The following NR1D2 variants were observed in gnomAD, a reference collection of about 807,000 sequenced individuals.
NR1D2 encodes nuclear receptor subfamily 1 group D member 2, also known as V-erbA-related protein 1-related.
In NR1D2, 25 loss-of-function variants were observed where a neutral mutation model predicts 52.2. The observed-to-expected ratio is 0.48, with a 90% CI of 0.35 to 0.67. The LOEUF (loss-of-function observed/expected upper bound fraction) is 0.67. NR1D2 is among the 30% of genes least tolerant of loss of function. The pLI is 0.01. For synonymous variants in NR1D2, 259 were observed against 230.1 expected, an observed-to-expected ratio of 1.13 and a Z score of -1.14; for missense variants, 681 against 707.2, an observed-to-expected ratio of 0.96 and a Z score of 0.42.
rs185141298 is a variant in NR1D2, at chr3:23,959,330, A to G, written c.373-341A>G. Among the ~76,000 whole-genome samples, 5 of 152,194 alleles carry G rather than the reference A, an allele frequency of 3.3e-5. No individual in the cohort carries two copies. The East Asian group carries it at 9.7e-4, about 29-fold the overall frequency. Reference sequence around the variant, plus strand: ...AGTTTTGGAATTTGTAGTGAATAAAAGTATGAGATGGAAAATGTGACTGCA... The same window carrying G: ...AGTTTTGGAATTTGTAGTGAATAAAGGTATGAGATGGAAAATGTGACTGCA... On this transcript the variant is annotated intron_variant, in intron 3 of 7. Transcript: ENST00000312521.
chr3:23,963,444 G>A, intron 5 of NR1D2: 1 of 1,164,226 alleles, frequency 8.6e-7, no homozygotes, highest in East Asian at 7.0e-5. Flanking sequence ...GTTAGGCTAA[G>A]TCGTTGCTTT....
chr3:23,967,743 T>C (rs1283279524), intron 6 of NR1D2, 70 bp from the exon 7 acceptor site: 38 of 1,209,942 alleles, frequency 3.1e-5, no homozygotes, highest in Non-Finnish European at 4.4e-5. Context: ...ACTGACTTGA[T>C]TGAATACTAA....
At chr3:23,959,132 G>A (rs1279681133) in intron 3 of NR1D2, among the ~76,000 whole-genome samples, 1 of 152,104 alleles carries the variant, frequency 6.6e-6, no homozygotes, top group East Asian at 1.9e-4. Flanking sequence ...GCTGGGTGTG[G>A]TGGCGCATGC....
At chr3:23,976,459 G>A (rs1159578992) in intron 7 of NR1D2, among the ~76,000 whole-genome samples, 1 of 152,216 alleles carries the variant, frequency 6.6e-6, no homozygotes, top group African/African-American at 2.4e-5. Flanking sequence ...AGTAGGGAAG[G>A]ATCTGCTTTC....
In NR1D2 at chr3:23,967,517, G is replaced by A. The variant is rs528999975; in HGVS notation, c.1333-296G>A. On this transcript the variant is annotated intron_variant, in intron 6 of 7. Transcript: ENST00000312521. Reference sequence around the variant, plus strand: ...TGTAATCCCAGCTACTTGGGAGGCCGAGGCAGGAGAAATGCTTGAACCCGG... The same window carrying A: ...TGTAATCCCAGCTACTTGGGAGGCCAAGGCAGGAGAAATGCTTGAACCCGG... Among the ~76,000 whole-genome samples, 10 of 152,214 alleles carry A rather than the reference G, an allele frequency of 6.6e-5. No homozygotes were observed. The East Asian group carries it at 1.2e-3, about 18-fold the overall frequency.
At position 23,971,301 on chromosome 3, in the gene NR1D2, C is replaced by CCATTTTTTTTTTTTTT. The variant is rs201185985; in HGVS notation, c.1543+3278_1543+3279insCATTTTTTTTTTTTTT. 1.8e-5 allele frequency among the ~76,000 whole-genome samples: 2 copies of CCATTTTTTTTTTTTTT among 110,852 alleles called. 1 individual carries two copies. The highest frequency in any genetic ancestry group is 7.1e-5 in the African/African-American group (2 of 27,982). 72.7% of individuals were successfully genotyped at this position (110,852 alleles called of 152,430 possible). A position where few individuals can be genotyped will look rare whatever the true frequency, so the allele number is the denominator to read the frequency against. On this transcript the variant is annotated intron_variant, in intron 7 of 7. Transcript: ENST00000312521. ...GAATATAATGCTTATATCTCTATAC[C>CCATTTTTTTTTTTTTT]TATTTTTTTTTTTTTTTTTTTTGAG...
At chr3:23,958,727 C>G (rs1706152737) in intron 3 of NR1D2, among the ~76,000 whole-genome samples, 1 of 150,214 alleles carries the variant, frequency 6.7e-6, no homozygotes, top group South Asian at 2.1e-4. Context: ...GTGGGCGGAT[C>G]AGTTGAGGTC....
chr3:23,975,375 C>T (rs537862101), intron 7 of NR1D2, among the ~76,000 whole-genome samples: 12 of 151,892 alleles, frequency 7.9e-5, no homozygotes, highest in East Asian at 3.9e-4. Flanking sequence ...CCTCCTGCCT[C>T]GGCCTTCCAA....
Position 23,962,416 on chromosome 3 carries a change from T to A in NR1D2, c.957T>A (p.Asn319Lys). ...GTAGTGAGAGCCAGCAGCATCTCAA[T>A]GGACAGTTCAAAGGGAGGAATATAA... ...FPCSESQQHL[N>K]GQFKGRNIMH... Residue 319 changes from asparagine to lysine, a missense_variant, in exon 5 of 8, where the codon AAT becomes AAA. Asn to Lys is a moderately conservative substitution (Grantham distance 94, BLOSUM62 0). Around this residue, in one of 3 missense-constraint regions of NR1D2, gnomAD observed 475 missense variants for 454.5 expected, o/e 1.05. Coordinates refer to ENST00000312521, the MANE Select transcript of NR1D2 (RefSeq NM_005126.5). 2 of 1,614,212 alleles carry A rather than the reference T, an allele frequency of 1.2e-6. No individual in the cohort carries two copies. Among genetic ancestry groups the A allele is most frequent in the Non-Finnish European group, 1.7e-6 (2 of 1,180,034 alleles).
chr3:23,957,545 T>C (rs572040082), intron 3 of NR1D2, among the ~76,000 whole-genome samples: 107 of 149,570 alleles, frequency 7.2e-4, no homozygotes, highest in Non-Finnish European at 1.5e-3. Flanking sequence ...TGAAACCCTG[T>C]CTCTACTAAA....
At chr3:23,945,737 C>G in intron 1 of NR1D2, 143 bp downstream of exon 1, 1 of 572,774 alleles carries the variant, frequency 1.7e-6, no homozygotes, top group Admixed American at 5.2e-5. Flanking sequence ...CCGCCTCTGG[C>G]TCGGTTCCCA....
intron 7 of NR1D2, among the ~76,000 whole-genome samples, chr3:23,968,735 C>G (rs1436262297): frequency 3.9e-5 from 6 of 152,122 alleles, no homozygotes; most frequent in Admixed American, 3.9e-4. Context: ...CTGACAGTAC[C>G]CATTAAGGCA....
At position 23,962,157 on chromosome 3, in the gene NR1D2, T is replaced by G. The variant is rs1453671221; in HGVS notation, c.698T>G (p.Leu233Arg). The change falls in exon 5 of 8, where the codon CTG (leucine) becomes CGG (arginine). Residue 233 changes from leucine to arginine, a missense_variant. Physicochemically the swap from Leu to Arg is moderately radical, Grantham distance 102 (BLOSUM62 -2). Around this residue, in one of 3 missense-constraint regions of NR1D2, gnomAD observed 475 missense variants for 454.5 expected, o/e 1.05. Coordinates refer to ENST00000312521, the MANE Select transcript of NR1D2 (RefSeq NM_005126.5). ...AQEQLRPKPQ[L>R]EQENIKSSSP... Reference sequence around the variant, plus strand: ...GAACAGCTGCGACCCAAGCCCCAACTGGAGCAAGAAAACATCAAAAGCTCT... The same window carrying G: ...GAACAGCTGCGACCCAAGCCCCAACGGGAGCAAGAAAACATCAAAAGCTCT... 1 of 1,614,080 alleles carries G rather than the reference T, an allele frequency of 6.2e-7. No individual in the cohort carries two copies. The highest frequency in any genetic ancestry group is 2.2e-5 in the East Asian group (1 of 44,882).
At chr3:23,975,447 A>C (rs1706698706) in intron 7 of NR1D2, among the ~76,000 whole-genome samples, 1 of 152,138 alleles carries the variant, frequency 6.6e-6, no homozygotes, top group South Asian at 2.1e-4. Context: ...AAGAATTAAC[A>C]TATAGTTGTA....
In NR1D2 at chr3:23,977,246, A is replaced by T. The variant is rs1404896585; in HGVS notation, c.1567A>T (p.Asn523Tyr). ...SADRSGIENV[N>Y]SVEALQETLI... The stretch of plus-strand genomic sequence containing the variant: ...AGATCGATCTGGAATAGAAAACGTC[A>T]ACTCTGTGGAGGCTTTGCAGGAAAC... The change falls in exon 8 of 8, where the codon AAC (asparagine) becomes TAC (tyrosine). Residue 523 changes from asparagine (N) to tyrosine (Y), a missense_variant. Physicochemically the swap from Asn to Tyr is moderately radical, Grantham distance 143. This residue lies in a region of NR1D2 where 475 missense variants were observed against 454.5 expected (regional missense o/e 1.05). Coordinates refer to ENST00000312521, the MANE Select transcript of NR1D2 (RefSeq NM_005126.5). The T allele has an allele frequency of 6.3e-7, 1 of 1,598,646 alleles. No homozygotes were observed. Among genetic ancestry groups the T allele is most frequent in the African/African-American group, 1.4e-5 (1 of 73,796 alleles).
intron 5 of NR1D2, chr3:23,963,245 A>C: frequency 7.4e-7 from 1 of 1,351,486 alleles, no homozygotes; most frequent in Non-Finnish European, 9.8e-7. Flanking sequence ...TATTCAGCCA[A>C]AATTTCACCA....
chr3:23,962,224 C>T lies in NR1D2; in HGVS notation c.765C>T (p.Gly255=), dbSNP rs539966462. 5.7e-5 allele frequency: 92 copies of T among 1,614,196 alleles called. No individual in the cohort carries two copies. In the South Asian group the frequency reaches 7.1e-4, roughly 13 times the overall value. ...ATTTTGCAAAGGAAGAAGTGATTGG[C>T]ATGGTGACCAGAGCTCACAAGGATA... The part of the protein sequence containing the change: ...SSDFAKEEVI[G]MVTRAHKDTF... Residue 255 remains glycine (G), a synonymous_variant, in exon 5 of 8, where the codon GGC becomes GGT. Coordinates refer to ENST00000312521, the MANE Select transcript of NR1D2 (RefSeq NM_005126.5).
At chr3:23,956,588 GA>G (rs1706087774) in intron 3 of NR1D2, among the ~76,000 whole-genome samples, 1 of 151,938 alleles carries the variant, frequency 6.6e-6, no homozygotes, top group African/African-American at 2.4e-5. Flanking sequence ...CTACATACTT[GA>G]AAAAAATGTG....
At chr3:23,955,970 C>A in intron 2 of NR1D2, 67 bp from the exon 3 acceptor site, 1 of 1,096,328 alleles carries the variant, frequency 9.1e-7, no homozygotes, top group Non-Finnish European at 1.4e-6. Context: ...AATAAAATAT[C>A]TAATTGGAAA....
Sources: gnomAD v4.1 joint callset for allele counts (sites outside exome capture counted in the v4.1 genomes callset) on GRCh38, gnomAD v4.1.1 for gene constraint, gnomAD v4.1.1 regional missense constraint, MANE v1.5 for transcripts, NCBI Gene and HGNC (gene_info 2026-07-23, HGNC 2026-07-21) for gene names.